CCDC178: variants seen among roughly 807,000 people sequenced by gnomAD.
CCDC178 encodes the protein coiled-coil domain containing 178, also known as coiled-coil domain-containing protein 178.
In CCDC178, 126 loss-of-function variants were observed where a neutral mutation model predicts 117.4. That is an observed-to-expected ratio of 1.07 (90% CI 0.93 to 1.24). The LOEUF is 1.24. Among genes scored for constraint, CCDC178 ranks in the 50% most tolerant of loss-of-function variants. CCDC178 has a pLI of 0.00. For synonymous variants in CCDC178, 283 were observed against 313.4 expected, an observed-to-expected ratio of 0.90 and a Z score of 1.02; for missense variants, 1,030 against 986.9, an observed-to-expected ratio of 1.04 and a Z score of -0.59.
chr18:32,994,072 G>A (rs554080619), intron 21 of CCDC178, among the ~76,000 whole-genome samples: 3 of 151,994 alleles, frequency 2.0e-5, no homozygotes, highest in Non-Finnish European at 4.4e-5. Flanking sequence ...ATCTTACAGA[G>A]TCCTAATATT....
intron 20 of CCDC178, among the ~76,000 whole-genome samples, chr18:33,196,604 T>C (rs2058933110): frequency 1.3e-5 from 2 of 152,232 alleles, no homozygotes; most frequent in Middle Eastern, 3.4e-3. Flanking sequence ...TCTCTGGCTG[T>C]GCAGTTTTTT....
intron 21 of CCDC178, among the ~76,000 whole-genome samples, chr18:33,034,031 TC>T (rs1402988252): frequency 6.6e-6 from 1 of 152,010 alleles, no homozygotes; most frequent in African/African-American, 2.4e-5. Flanking sequence ...AATGTCATCA[TC>T]TTTCCCTACA....
intron 15 of CCDC178, among the ~76,000 whole-genome samples, chr18:33,229,287 G>C (rs762134832): frequency 6.6e-6 from 1 of 152,084 alleles, no homozygotes; most frequent in Non-Finnish European, 1.5e-5. Flanking sequence ...ATTTTTATTG[G>C]TCATTAAATG....
At chr18:33,143,651 C>T (rs541059509) in intron 20 of CCDC178, among the ~76,000 whole-genome samples, 45 of 152,120 alleles carry the variant, frequency 3.0e-4, no homozygotes, top group African/African-American at 1.0e-3. Context: ...GTGTGAACAA[C>T]AGATAAGCGT....
intron 2 of CCDC178, among the ~76,000 whole-genome samples, chr18:33,417,581 AC>A (rs1338332872): frequency 1.3e-5 from 2 of 151,770 alleles, no homozygotes; most frequent in Non-Finnish European, 2.9e-5. Context: ...TGCAAGTATT[AC>A]CGCTGAAATC....
chr18:33,355,686 T>C (rs763142588), intron 7 of CCDC178, among the ~76,000 whole-genome samples: 3 of 152,222 alleles, frequency 2.0e-5, no homozygotes, highest in Non-Finnish European at 2.9e-5. Flanking sequence ...TTAATGCTTG[T>C]CCTAGCTGTT....
intron 2 of CCDC178, among the ~76,000 whole-genome samples, chr18:33,431,716 T>A (rs1000537746): frequency 6.6e-6 from 1 of 152,222 alleles, no homozygotes; most frequent in South Asian, 2.1e-4. Context: ...AATAGCACCA[T>A]GTTTGTTAAA....
intron 21 of CCDC178, among the ~76,000 whole-genome samples, chr18:33,091,711 C>A (rs271471): frequency 3.6e-4 from 54 of 151,996 alleles, no homozygotes; most frequent in African/African-American, 1.3e-3. Context: ...TGAGAGTAGA[C>A]GGATGGCAAA....
chr18:33,084,617 C>A (rs1375386843), intron 21 of CCDC178, among the ~76,000 whole-genome samples: 1 of 151,910 alleles, frequency 6.6e-6, no homozygotes, highest in Non-Finnish European at 1.5e-5. Context: ...TCAAGACCAG[C>A]CTGGCCAACA....
intron 22 of CCDC178, among the ~76,000 whole-genome samples, chr18:32,963,396 T>A (rs1219141092): frequency 6.6e-6 from 1 of 152,026 alleles, no homozygotes; most frequent in Non-Finnish European, 1.5e-5. Flanking sequence ...CAGGCTGAAG[T>A]AATTCTTCCT....
At chr18:32,972,510 T>C (rs1431143559) in intron 22 of CCDC178, among the ~76,000 whole-genome samples, 1 of 152,156 alleles carries the variant, frequency 6.6e-6, no homozygotes, top group East Asian at 1.9e-4. Flanking sequence ...GGGCTATTTT[T>C]TGGTGCCATA....
chr18:33,194,625 T>A (rs1259900741), intron 20 of CCDC178, among the ~76,000 whole-genome samples: 1 of 152,116 alleles, frequency 6.6e-6, no homozygotes, highest in Non-Finnish European at 1.5e-5. Context: ...TTCCCATCAC[T>A]TTTTTTATGT....
At chr18:33,303,038 ATGTT>A (rs1310579545) in intron 11 of CCDC178, among the ~76,000 whole-genome samples, 3 of 152,208 alleles carry the variant, frequency 2.0e-5, no homozygotes, top group South Asian at 2.1e-4. Flanking sequence ...GAAACAGTAA[ATGTT>A]TGTGATAATA....
At chr18:32,973,714 T>C (rs958850502) in intron 22 of CCDC178, among the ~76,000 whole-genome samples, 2 of 152,132 alleles carry the variant, frequency 1.3e-5, no homozygotes, top group Non-Finnish European at 2.9e-5. Flanking sequence ...GCGTGTATAA[T>C]AAAATGTTTA....
intron 12 of CCDC178, among the ~76,000 whole-genome samples, chr18:33,279,945 A>T (rs1297218043): frequency 9.2e-5 from 14 of 152,168 alleles, no homozygotes; most frequent in Admixed American, 9.2e-4. Flanking sequence ...TTATACAAAA[A>T]TTAATTAAAG....
chr18:33,319,589 T>G (rs1335072929), intron 11 of CCDC178, among the ~76,000 whole-genome samples: 1 of 152,198 alleles, frequency 6.6e-6, no homozygotes, highest in Non-Finnish European at 1.5e-5. Flanking sequence ...ATGGTATTTC[T>G]AGTTCTAGAT....
At chr18:32,940,816 A>G (rs1217553512) in intron 22 of CCDC178, among the ~76,000 whole-genome samples, 1 of 152,142 alleles carries the variant, frequency 6.6e-6, no homozygotes, top group Non-Finnish European at 1.5e-5. Context: ...CTTATGCAAA[A>G]CATTGATCAG....
intron 9 of CCDC178, among the ~76,000 whole-genome samples, chr18:33,340,700 G>A (rs766719299): frequency 6.6e-6 from 1 of 152,162 alleles, no homozygotes; most frequent in Non-Finnish European, 1.5e-5. Flanking sequence ...GGCTTCAGAG[G>A]GTGGAAGCCC....
intron 17 of CCDC178, 80 bp from the exon 18 acceptor site, chr18:33,223,299 C>T (rs2059261408): frequency 3.6e-6 from 5 of 1,378,864 alleles, no homozygotes; most frequent in Middle Eastern, 1.9e-4. Flanking sequence ...ACTTAAGTGA[C>T]TATTTTAATA....
Sources: gnomAD v4.1 joint callset for allele counts (sites outside exome capture counted in the v4.1 genomes callset) on GRCh38, gnomAD v4.1.1 for gene constraint, MANE v1.5 for transcripts, NCBI Gene and HGNC (gene_info 2026-07-23, HGNC 2026-07-21) for gene names.